PTPRJ: variants seen among roughly 807,000 people sequenced by gnomAD.
PTPRJ encodes receptor-type tyrosine-protein phosphatase eta.
A neutral mutation model predicts 141.3 loss-of-function variants in PTPRJ; 129 were observed. That is an observed-to-expected ratio of 0.91 (90% CI 0.79 to 1.06). The LOEUF is 1.06. PTPRJ is among the 50% of genes least tolerant of loss of function. PTPRJ has a pLI of 0.00. For missense variants in PTPRJ, 1,601 were observed against 1,679.7 expected (o/e 0.95, Z 0.82); for synonymous variants, 610 against 640.5 (o/e 0.95, Z 0.72).
chr11:48,161,441 T>C (rs1295467294), intron 22 of PTPRJ, among the ~76,000 whole-genome samples: 1 of 152,104 alleles, frequency 6.6e-6, no homozygotes, highest in African/African-American at 2.4e-5. Context: ...GGATAAAGTA[T>C]AGTATATTAA....
intron 1 of PTPRJ, among the ~76,000 whole-genome samples, chr11:48,006,952 T>C (rs914785976): frequency 6.6e-6 from 1 of 152,186 alleles, no homozygotes; most frequent in Non-Finnish European, 1.5e-5. Context: ...AATATGAAGC[T>C]AGGCATATAT....
In PTPRJ at chr11:48,125,159, C is replaced by T. The variant is rs2134344505; in HGVS notation, c.1066C>T (p.Gln356Ter). 4 of 1,614,128 alleles carry T rather than the reference C, an allele frequency of 2.5e-6. No homozygotes were observed. The highest frequency in any genetic ancestry group is 1.3e-5 in the African/African-American group (1 of 75,018). The change falls in exon 6 of 25, where the codon CAG becomes TAG. Residue 356 changes from glutamine (Q) to a stop codon, truncating the protein, a stop_gained. Coordinates refer to ENST00000418331, the MANE Select transcript of PTPRJ (RefSeq NM_002843.4). LOFTEE classifies it high-confidence loss of function. ...YSQAANGTEGQPQAIEFRTNA... is the reference protein window; with the variant it reads ...YSQAANGTEG ...CCAAGCAGCGAATGGCACAGAAGGA[C>T]AGCCCCAGGCCATAGAGTTCAGGAC...
At chr11:48,092,717 A>G (rs903083080) in intron 1 of PTPRJ, among the ~76,000 whole-genome samples, 1 of 152,192 alleles carries the variant, frequency 6.6e-6, no homozygotes, top group African/African-American at 2.4e-5. Flanking sequence ...GGCGTGAACT[A>G]CTGCGCCGGG....
At chr11:48,008,576 T>A (rs1435634303) in intron 1 of PTPRJ, among the ~76,000 whole-genome samples, 1 of 148,670 alleles carries the variant, frequency 6.7e-6, no homozygotes, top group Non-Finnish European at 1.5e-5. Context: ...TATTTTTTAT[T>A]TTTTTGAGTT....
intron 14 of PTPRJ, among the ~76,000 whole-genome samples, chr11:48,146,276 G>A (rs7948129): frequency 0.77 from 116,981 of 152,130 alleles, 45,624 homozygotes; most frequent in East Asian, 0.83. Flanking sequence ...CATAGACCTA[G>A]GTGATACAGG....
intron 1 of PTPRJ, among the ~76,000 whole-genome samples, chr11:48,093,110 T>C (rs1855913498): frequency 6.6e-6 from 1 of 152,260 alleles, no homozygotes; most frequent in African/African-American, 2.4e-5. Context: ...TTTTTATACA[T>C]AGCTGGATTC....
At chr11:48,080,493 T>C (rs1198672646) in intron 1 of PTPRJ, among the ~76,000 whole-genome samples, 2 of 152,150 alleles carry the variant, frequency 1.3e-5, no homozygotes, top group Non-Finnish European at 2.9e-5. Context: ...TCTTAGCCAA[T>C]AGGGGCACAT....
At chr11:48,139,074 G>A (rs1363450260) in intron 10 of PTPRJ, among the ~76,000 whole-genome samples, 2 of 152,110 alleles carry the variant, frequency 1.3e-5, no homozygotes, top group East Asian at 1.9e-4. Context: ...TGGACGTTGC[G>A]GTGAGCTGAG....
At chr11:48,116,556 A>G (rs138275479) in intron 3 of PTPRJ, among the ~76,000 whole-genome samples, 218 of 152,336 alleles carry the variant, frequency 1.4e-3, no homozygotes, top group African/African-American at 5.0e-3. Context: ...GACTTAAACT[A>G]CAGTTTAGAC....
At chr11:47,984,189 C>CT in intron 1 of PTPRJ, among the ~76,000 whole-genome samples, 1 of 152,200 alleles carries the variant, frequency 6.6e-6, no homozygotes, top group Non-Finnish European at 1.5e-5. Flanking sequence ...CCAAGCTTTC[C>CT]TAAGCAGAGA....
chr11:48,058,648 C>T (rs1190302273), intron 1 of PTPRJ, among the ~76,000 whole-genome samples: 1 of 152,194 alleles, frequency 6.6e-6, no homozygotes, highest in African/African-American at 2.4e-5. Flanking sequence ...TCCAAGCCAC[C>T]ATCGTCTCTC....
intron 1 of PTPRJ, among the ~76,000 whole-genome samples, chr11:48,108,340 CAGGG>C (rs1856350884): frequency 6.6e-6 from 1 of 152,196 alleles, no homozygotes; most frequent in South Asian, 2.1e-4. Flanking sequence ...CAGATACAGA[CAGGG>C]AGGGACAGAG....
intron 1 of PTPRJ, among the ~76,000 whole-genome samples, chr11:48,076,004 A>G (rs529859846): frequency 8.4e-4 from 128 of 152,230 alleles, no homozygotes; most frequent in African/African-American, 2.9e-3. Flanking sequence ...CCCCTTGTTC[A>G]TGAAGCCTCT....
At chr11:48,083,091 C>A (rs1378030367) in intron 1 of PTPRJ, among the ~76,000 whole-genome samples, 1 of 152,132 alleles carries the variant, frequency 6.6e-6, no homozygotes, top group Non-Finnish European at 1.5e-5. Flanking sequence ...GGGCAGGTCC[C>A]TCTTCCACCA....
chr11:48,033,153 A>G (rs1278423494), intron 1 of PTPRJ, among the ~76,000 whole-genome samples: 1 of 151,898 alleles, frequency 6.6e-6, no homozygotes, highest in African/African-American at 2.4e-5. Context: ...GATGGGTGCT[A>G]TTTTCCAAGG....
At chr11:48,131,525 C>T (rs776521846) in intron 8 of PTPRJ, 4 of 775,958 alleles carry the variant, frequency 5.2e-6, no homozygotes, top group Non-Finnish European at 9.6e-6. Context: ...ATTTGAACAC[C>T]TGCCTGGAAT....
chr11:48,006,414 G>T (rs574067912), intron 1 of PTPRJ, among the ~76,000 whole-genome samples: 1 of 152,264 alleles, frequency 6.6e-6, no homozygotes, highest in African/African-American at 2.4e-5. Context: ...GGTGCAGGCA[G>T]GTGTGGGAGG....
At chr11:47,983,183 C>G (rs897529862) in intron 1 of PTPRJ, among the ~76,000 whole-genome samples, 1 of 151,494 alleles carries the variant, frequency 6.6e-6, no homozygotes, top group Non-Finnish European at 1.5e-5. Context: ...TTTCAAAGTG[C>G]TATTTTTTTT....
chr11:48,053,121 T>TATATATAA (rs1279271573), intron 1 of PTPRJ, among the ~76,000 whole-genome samples: 1 of 119,160 alleles, frequency 8.4e-6, no homozygotes, highest in Non-Finnish European at 1.6e-5. Context: ...TAAAATATAT[T>TATATATAA]ATATATAAAT....
Sources: gnomAD v4.1 joint callset for allele counts (sites outside exome capture counted in the v4.1 genomes callset) on GRCh38, gnomAD v4.1.1 for gene constraint, MANE v1.5 for transcripts, NCBI Gene and HGNC (gene_info 2026-07-23, HGNC 2026-07-21) for gene names.